The following WDR3 variants were observed in gnomAD, a reference collection of about 807,000 sequenced individuals.
The protein encoded by WDR3 is WD repeat-containing protein 3.
In WDR3, 81 loss-of-function variants were observed where a neutral mutation model predicts 123.7. The ratio of observed to expected loss-of-function variants is 0.65; its 90% confidence interval spans 0.55 to 0.79. WDR3 has a LOEUF of 0.79. Among genes scored for constraint, WDR3 ranks in the 30% least tolerant of loss-of-function variants. The pLI is 0.00. For missense variants in WDR3, 1,027 were observed against 1,123.2 expected, an observed-to-expected ratio of 0.91 and a Z score of 1.22; for synonymous variants, 390 against 388.8, an observed-to-expected ratio of 1.00 and a Z score of -0.04.
Position 117,949,733 on chromosome 1 carries a change from A to C in WDR3, c.1525-18A>C. On this transcript the variant is annotated intron_variant, in intron 13 of 26. Coordinates refer to ENST00000349139, the MANE Select transcript of WDR3 (RefSeq NM_006784.3). The stretch of plus-strand genomic sequence containing the variant: ...TATGCTAAAATAGTTTTTAATTGAA[A>C]TTTCATTTGATTTTCAGCGTGGCTT... 6.2e-7 allele frequency: 1 copy of C among 1,610,708 alleles called. No homozygotes were observed. Among genetic ancestry groups the C allele is most frequent in the Non-Finnish European group, 8.5e-7 (1 of 1,178,890 alleles).
Position 117,953,525 on chromosome 1 carries a change from T to G in WDR3, c.2252T>G (p.Ile751Ser), listed in dbSNP as rs1043373266. The G allele has an allele frequency of 1.9e-6, 3 of 1,612,764 alleles. No homozygotes were observed. Among genetic ancestry groups the G allele is most frequent in the Non-Finnish European group, 2.5e-6 (3 of 1,179,108 alleles). ...GDSYFTGKKT[I>S]ETVKAAERIM... ...AGTTACTTTACTGGAAAGAAAACTA[T>G]TGAAACAGTGAAAGCAGTAAGTTGA... The change falls in exon 21 of 27, where the codon ATT (isoleucine) becomes AGT (serine). Residue 751 changes from isoleucine to serine, a missense_variant. Transcript: ENST00000349139.
chr1:117,959,113 C>A, intron 26 of WDR3, 110 bp downstream of exon 26: 1 of 1,289,236 alleles, frequency 7.8e-7, no homozygotes, highest in Non-Finnish European at 1.1e-6. Context: ...CCGATAAATC[C>A]ATATTTGAGA....
chr1:117,947,581 T>C (rs1651453198), intron 12 of WDR3, among the ~76,000 whole-genome samples: 1 of 152,234 alleles, frequency 6.6e-6, no homozygotes, highest in South Asian at 2.1e-4. Context: ...AATTGTCGGC[T>C]TACTGGCTGT....
intron 16 of WDR3, 40 bp from the exon 17 acceptor site, chr1:117,951,936 T>A (rs925524726): frequency 1.3e-6 from 2 of 1,561,620 alleles, no homozygotes; most frequent in South Asian, 1.1e-5. Flanking sequence ...ATATACGGAA[T>A]TCAAAAATCA....
At chr1:117,949,954 T>A in intron 14 of WDR3, 41 bp from the exon 15 acceptor site, 6 of 1,613,160 alleles carry the variant, frequency 3.7e-6, no homozygotes, top group Non-Finnish European at 4.2e-6. Flanking sequence ...TCTGAATTTG[T>A]ATACTCATTT....
Position 117,963,558 on chromosome 1 carries a change from GT to G in WDR3, c.*4114del, listed in dbSNP as rs1653397839. 3.9e-6 allele frequency: 1 copy of G among 258,616 alleles called. No individual in the cohort carries two copies. Among genetic ancestry groups the G allele is most frequent in the Non-Finnish European group, 7.7e-6 (1 of 130,644 alleles). 16.0% of individuals were successfully genotyped at this position (258,616 alleles called of 1,614,324 possible). On this transcript the variant is annotated 3_prime_UTR_variant, in exon 27 of 27. Coordinates refer to ENST00000349139, the MANE Select transcript of WDR3 (RefSeq NM_006784.3). Reference sequence around the variant, plus strand: ...TTTTCTATTGTTTAGTAGAGACGGGGTTTCACCAAGTTAGCCAGGATGGTCT... The same window carrying G: ...TTTTCTATTGTTTAGTAGAGACGGGGTTCACCAAGTTAGCCAGGATGGTCT...
intron 7 of WDR3, 58 bp from the exon 8 acceptor site, chr1:117,941,066 T>C: frequency 6.3e-7 from 1 of 1,599,922 alleles, no homozygotes; most frequent in South Asian, 1.1e-5. Flanking sequence ...ATTATGTTTT[T>C]TTCAGAAGTT....
At chr1:117,952,904 T>G (rs751593257) in intron 19 of WDR3, 42 bp from the exon 20 acceptor site, 6 of 1,606,290 alleles carry the variant, frequency 3.7e-6, no homozygotes, top group Non-Finnish European at 5.1e-6. Context: ...ATAGAGACCA[T>G]GTTTTTTTCT....
intron 22 of WDR3, 141 bp downstream of exon 22, chr1:117,954,240 A>AT (rs921128899): frequency 1.4e-6 from 1 of 727,742 alleles, no homozygotes; most frequent in African/African-American, 1.8e-5. Context: ...ATTAGAAGAA[A>AT]TTGAGGAAGT....
intron 11 of WDR3, among the ~76,000 whole-genome samples, 198 bp downstream of exon 11, chr1:117,943,824 C>T (rs1651271888): frequency 6.6e-6 from 1 of 150,816 alleles, no homozygotes; most frequent in African/African-American, 2.4e-5. Flanking sequence ...AAAAGGCAAG[C>T]TTATTCCATG....
chr1:117,931,385 TATA>T (rs1170736600), intron 1 of WDR3, among the ~76,000 whole-genome samples: 17 of 152,364 alleles, frequency 1.1e-4, no homozygotes, highest in African/African-American at 4.1e-4. Flanking sequence ...TCTTGGCTGC[TATA>T]ATAATATTTT....
rs774837449 is a variant in WDR3, at chr1:117,957,234, C to G, written c.2582+38C>G. ...TCCAAAGAATACCATGTCTGTTCAG[C>G]AGAACTGCTTCAGTAGTACCTTAAC... On this transcript the variant is annotated intron_variant, in intron 25 of 26. Transcript: ENST00000349139. 2.5e-6 allele frequency: 4 copies of G among 1,593,690 alleles called. No homozygotes were observed. In the South Asian group the frequency reaches 4.6e-5, roughly 18 times the overall value.
Position 117,940,846 on chromosome 1 carries a change from C to T in WDR3, c.695C>T (p.Pro232Leu). Reference protein sequence around the residue: ...YLQEIEDPEEPDPKKIKGSSP... With the variant: ...YLQEIEDPEELDPKKIKGSSP... ...AAACAGATTGAAGACCCGGAAGAAC[C>T]AGACCCCAAGAAAATCAAAGGATCT... Residue 232 changes from proline (P) to leucine (L), a missense_variant, in exon 7 of 27, where the codon CCA becomes CTA. Transcript: ENST00000349139. 6.2e-7 allele frequency: 1 copy of T among 1,613,372 alleles called. No homozygotes were observed.
Position 117,961,830 on chromosome 1 carries a change from A to G in WDR3, c.*2383A>G, listed in dbSNP as rs1465029671. 1 of 152,524 alleles carries G rather than the reference A, an allele frequency of 6.6e-6. No homozygotes were observed. The highest frequency in any genetic ancestry group is 2.4e-5 in the African/African-American group (1 of 41,412). 9.4% of individuals were successfully genotyped at this position (152,524 alleles called of 1,614,324 possible). A position where few individuals can be genotyped will look rare whatever the true frequency, so the allele number is the denominator to read the frequency against. Reference sequence around the variant, plus strand: ...AGGCAAGAGAATAGGCAGGCAGGATAATGCATTCTAGGTGCTTTCCAAGGA... The same window carrying G: ...AGGCAAGAGAATAGGCAGGCAGGATGATGCATTCTAGGTGCTTTCCAAGGA... On this transcript the variant is annotated 3_prime_UTR_variant, in exon 27 of 27. Transcript: ENST00000349139.
At position 117,956,541 on chromosome 1, in the gene WDR3, C is replaced by T. The variant is rs540807113; in HGVS notation, c.2454-527C>T. The stretch of plus-strand genomic sequence containing the variant: ...AAGATTCTGTGTTTTAAAGATTTAA[C>T]TTTTCCTAATTAATAGGTTTGTAAT... On this transcript the variant is annotated intron_variant, in intron 24 of 26. Coordinates refer to ENST00000349139, the MANE Select transcript of WDR3 (RefSeq NM_006784.3). Among the ~76,000 whole-genome samples the T allele has an allele frequency of 1.8e-3, 277 of 152,272 alleles. 1 individual carries two copies. The highest frequency in any genetic ancestry group is 6.5e-3 in the African/African-American group (272 of 41,556).
In WDR3 at chr1:117,952,117, G is replaced by A. The variant is rs765879775; in HGVS notation, c.1904+41G>A. The A allele has an allele frequency of 5.7e-5, 90 of 1,585,562 alleles. 1 individual carries two copies. Among genetic ancestry groups the A allele is most frequent in the Non-Finnish European group, 7.5e-5 (87 of 1,159,648 alleles). On this transcript the variant is annotated intron_variant, in intron 17 of 26. Coordinates refer to ENST00000349139, the MANE Select transcript of WDR3 (RefSeq NM_006784.3). Reference sequence around the variant, plus strand: ...TCAAATGTCTCCCTTTGAGTCACCTGTAAGTTATCACTTTCCTTGAGCATC... The same window carrying A: ...TCAAATGTCTCCCTTTGAGTCACCTATAAGTTATCACTTTCCTTGAGCATC...
intron 12 of WDR3, 41 bp from the exon 13 acceptor site, chr1:117,948,364 C>G (rs74114919): frequency 0.022 from 34,267 of 1,554,442 alleles, 1,322 homozygotes; most frequent in South Asian, 0.11. Context: ...GGAGGTTGTA[C>G]GTATGTTCAT....
rs1653373530 is a variant in WDR3, at chr1:117,963,418, C to G, written c.*3971C>G. ...TCGCTCTGTCTCCCAGGCTGGAGTG[C>G]AGTGGCACGATCTTGGCTCACTGCA... On this transcript the variant is annotated 3_prime_UTR_variant, in exon 27 of 27. Coordinates refer to ENST00000349139, the MANE Select transcript of WDR3 (RefSeq NM_006784.3). 6.6e-6 allele frequency: 1 copy of G among 150,548 alleles called. No individual in the cohort carries two copies. The highest frequency in any genetic ancestry group is 1.5e-5 in the Non-Finnish European group (1 of 68,516). The allele number at this position is 150,548 out of a possible 1,614,324, so 9.3% of individuals were successfully genotyped here.
At position 117,963,568 on chromosome 1, in the gene WDR3, GT is replaced by G. The variant is rs997676162; in HGVS notation, c.*4123del. 1.1e-5 allele frequency: 3 copies of G among 276,858 alleles called. No homozygotes were observed. Among genetic ancestry groups the G allele is most frequent in the Non-Finnish European group, 1.4e-5 (2 of 142,186 alleles). 17.2% of individuals were successfully genotyped at this position (276,858 alleles called of 1,614,324 possible). On this transcript the variant is annotated 3_prime_UTR_variant, in exon 27 of 27. Transcript: ENST00000349139. ...TTTAGTAGAGACGGGGTTTCACCAA[GT>G]TAGCCAGGATGGTCTCGATCTCCTG...
Sources: allele counts gnomAD v4.1 joint callset (sites outside exome capture counted in the v4.1 genomes callset), GRCh38; gene constraint gnomAD v4.1.1; transcripts MANE v1.5; gene names NCBI Gene and HGNC (gene_info 2026-07-23, HGNC 2026-07-21).